DNM3: variants seen among roughly 807,000 people sequenced by gnomAD.
DNM3 encodes dynamin-3.
DNM3 carries 47 observed loss-of-function variants against 101.6 expected under a neutral mutation model. The observed-to-expected ratio is 0.46, with a 90% CI of 0.37 to 0.59. The LOEUF is 0.59. DNM3 is among the 20% of genes least tolerant of loss of function. DNM3 has a pLI of 0.00. For missense variants in DNM3, 849 were observed against 1,085.7 expected, an observed-to-expected ratio of 0.78 and a Z score of 3.06; for synonymous variants, 385 against 387.9, an observed-to-expected ratio of 0.99 and a Z score of 0.09.
intron 11 of DNM3, among the ~76,000 whole-genome samples, chr1:172,072,406 C>G (rs1161789278): frequency 3.3e-5 from 5 of 152,094 alleles, no homozygotes; most frequent in African/African-American, 1.2e-4. Flanking sequence ...TTGGAGTGAT[C>G]TTTTAAATCT....
chr1:172,160,839 T>C (rs570855847), intron 14 of DNM3, among the ~76,000 whole-genome samples: 1 of 152,174 alleles, frequency 6.6e-6, no homozygotes, highest in East Asian at 1.9e-4. Context: ...GTAAGTTTGT[T>C]TACACCAGCA....
chr1:171,897,107 A>G (rs571747568), intron 1 of DNM3, among the ~76,000 whole-genome samples: 1 of 152,158 alleles, frequency 6.6e-6, no homozygotes, highest in East Asian at 1.9e-4. Context: ...CATGTGTAAC[A>G]TTGCGTTAGG....
intron 17 of DNM3, among the ~76,000 whole-genome samples, chr1:172,340,782 G>A (rs1166719682): frequency 6.6e-6 from 1 of 152,114 alleles, no homozygotes; most frequent in Admixed American, 6.6e-5. Context: ...TTCCTATTTG[G>A]ATATCTTTTA....
chr1:171,886,602 T>G (rs1374585935), intron 1 of DNM3, among the ~76,000 whole-genome samples: 1 of 152,164 alleles, frequency 6.6e-6, no homozygotes, highest in Non-Finnish European at 1.5e-5. Context: ...ATTTACATTA[T>G]GCTTTTAGGA....
At position 172,322,828 on chromosome 1, in the gene DNM3, T is replaced by C. The variant is rs540620003; in HGVS notation, c.1882-501T>C. On this transcript the variant is annotated intron_variant, in intron 16 of 20. Transcript: ENST00000627582. Reference sequence around the variant, plus strand: ...CCTCTGCTCTCTTTTCCTTCTTTTTTTTTTTTTCCACCTTCTTTGAAACCA... The same window carrying C: ...CCTCTGCTCTCTTTTCCTTCTTTTTCTTTTTTTCCACCTTCTTTGAAACCA... Among the ~76,000 whole-genome samples the C allele has an allele frequency of 2.3e-3, 357 of 152,196 alleles. 2 individuals are homozygous for C. The highest frequency in any genetic ancestry group is 8.2e-3 in the African/African-American group (340 of 41,532).
At chr1:171,858,785 G>A (rs573028962) in intron 1 of DNM3, among the ~76,000 whole-genome samples, 1 of 152,202 alleles carries the variant, frequency 6.6e-6, no homozygotes, top group East Asian at 1.9e-4. Context: ...TTCCCCATCA[G>A]TACACTGAAA....
At chr1:172,268,247 G>T (rs952030651) in intron 15 of DNM3, among the ~76,000 whole-genome samples, 1 of 150,640 alleles carries the variant, frequency 6.6e-6, no homozygotes, top group Non-Finnish European at 1.5e-5. Flanking sequence ...TAAGGGGCTG[G>T]ATAGGAATAC....
At chr1:171,964,855 C>G (rs2043459136) in intron 2 of DNM3, among the ~76,000 whole-genome samples, 1 of 151,474 alleles carries the variant, frequency 6.6e-6, no homozygotes, top group Non-Finnish European at 1.5e-5. Flanking sequence ...CTGGGAACCT[C>G]CGTTGTGGCA....
At chr1:171,975,624 T>C (rs1232799225) in intron 2 of DNM3, among the ~76,000 whole-genome samples, 4 of 152,242 alleles carry the variant, frequency 2.6e-5, no homozygotes, top group Non-Finnish European at 5.9e-5. Context: ...TGGTTATATA[T>C]GTGCAAGCTT....
chr1:172,023,119 A>G (rs2047960259), intron 4 of DNM3, among the ~76,000 whole-genome samples: 1 of 152,076 alleles, frequency 6.6e-6, no homozygotes, highest in Admixed American at 6.5e-5. Context: ...ATTCTGGATT[A>G]GGTAGTTTTA....
chr1:172,400,172 G>A (rs972945133), intron 20 of DNM3, among the ~76,000 whole-genome samples: 2 of 151,984 alleles, frequency 1.3e-5, no homozygotes, highest in African/African-American at 2.4e-5. Context: ...CTTCTCAGAA[G>A]CGGACACTTG....
intron 4 of DNM3, among the ~76,000 whole-genome samples, chr1:172,023,951 C>G (rs894928561): frequency 6.7e-6 from 1 of 148,672 alleles, no homozygotes; most frequent in Admixed American, 6.7e-5. Context: ...AATTTCTGCT[C>G]TCCTATTTTC....
intron 17 of DNM3, among the ~76,000 whole-genome samples, chr1:172,364,077 T>C (rs1331146545): frequency 6.6e-6 from 1 of 151,988 alleles, no homozygotes; most frequent in Non-Finnish European, 1.5e-5. Context: ...TTTGGCCTGT[T>C]AATGGGCTCC....
intron 16 of DNM3, among the ~76,000 whole-genome samples, chr1:172,316,907 A>G (rs2065394697): frequency 6.6e-6 from 1 of 151,980 alleles, no homozygotes; most frequent in Non-Finnish European, 1.5e-5. Context: ...CATCTACAGA[A>G]CTCTCCACCC....
At chr1:172,309,006 T>C in intron 16 of DNM3, 167 bp downstream of exon 16, 1 of 423,808 alleles carries the variant, frequency 2.4e-6, no homozygotes, top group South Asian at 7.7e-5. Flanking sequence ...TTAACAATGC[T>C]TTTTCTCTGT....
intron 1 of DNM3, among the ~76,000 whole-genome samples, chr1:171,857,495 T>C (rs1209099030): frequency 6.6e-6 from 1 of 152,154 alleles, no homozygotes; most frequent in Admixed American, 6.5e-5. Flanking sequence ...TCTCTCTACT[T>C]GCAACTGGTC....
At chr1:172,099,316 A>G (rs2054471937) in intron 13 of DNM3, among the ~76,000 whole-genome samples, 1 of 152,206 alleles carries the variant, frequency 6.6e-6, no homozygotes, top group Non-Finnish European at 1.5e-5. Flanking sequence ...CTTGCTTCAC[A>G]TGGTCAGTAA....
intron 13 of DNM3, among the ~76,000 whole-genome samples, chr1:172,121,360 C>T (rs2056308210): frequency 6.6e-6 from 1 of 152,212 alleles, no homozygotes; most frequent in South Asian, 2.1e-4. Context: ...AATGCATATG[C>T]AGGCATTTGA....
At chr1:172,087,305 A>T (rs1191165242) in intron 12 of DNM3, among the ~76,000 whole-genome samples, 3 of 151,764 alleles carry the variant, frequency 2.0e-5, no homozygotes, top group Non-Finnish European at 4.4e-5. Flanking sequence ...TCAATTTTCC[A>T]CCCTAGACCC....
Sources: gnomAD v4.1 joint callset for allele counts (sites outside exome capture counted in the v4.1 genomes callset) on GRCh38, gnomAD v4.1.1 for gene constraint, MANE v1.5 for transcripts, NCBI Gene and HGNC (gene_info 2026-07-23, HGNC 2026-07-21) for gene names.